The following BCAS2 variants were observed in gnomAD, a reference collection of about 807,000 sequenced individuals.
BCAS2 encodes BCAS2 pre-mRNA processing factor.
Under a neutral mutation model 35.3 loss-of-function variants are expected in BCAS2, and 34 were observed. That is an observed-to-expected ratio of 0.96 (90% confidence interval 0.73 to 1.28). The LOEUF (loss-of-function observed/expected upper bound fraction) is 1.28. Among genes scored for constraint, BCAS2 ranks in the 50% most tolerant of loss-of-function variants. BCAS2 has a pLI of 0.00. For synonymous variants in BCAS2, 75 were observed against 91.6 expected, an observed-to-expected ratio of 0.82 and a Z score of 1.03; for missense variants, 221 against 268.1, an observed-to-expected ratio of 0.82 and a Z score of 1.23.
At chr1:114,570,294 A>AAG in intron 5 of BCAS2, among the ~76,000 whole-genome samples, 1 of 151,738 alleles carries the variant, frequency 6.6e-6, no homozygotes, top group East Asian at 1.9e-4. Context: ...ACACAAGCAC[A>AAG]CACAGATTAC....
intron 4 of BCAS2, among the ~76,000 whole-genome samples, chr1:114,575,359 T>G (rs1654738410): frequency 8.9e-6 from 1 of 112,858 alleles, no homozygotes; most frequent in Non-Finnish European, 2.0e-5. Flanking sequence ...AGCTAATTTT[T>G]TGTATTTTTT....
chr1:114,580,538 A>G (rs925269557), intron 2 of BCAS2, among the ~76,000 whole-genome samples: 3 of 152,176 alleles, frequency 2.0e-5, no homozygotes, highest in African/African-American at 7.2e-5. Flanking sequence ...ATTATTACAC[A>G]TTTATACATA....
intron 4 of BCAS2, among the ~76,000 whole-genome samples, chr1:114,573,711 T>C (rs1490941295): frequency 1.3e-5 from 2 of 152,232 alleles, no homozygotes; most frequent in African/African-American, 4.8e-5. Context: ...TGATGTCGCT[T>C]ACATTTCTTA....
chr1:114,572,064 T>C (rs1352931317), intron 4 of BCAS2, among the ~76,000 whole-genome samples: 2 of 152,224 alleles, frequency 1.3e-5, no homozygotes, highest in African/African-American at 2.4e-5. Context: ...CTTAAGGCAG[T>C]GGATCAATCA....
At chr1:114,571,001 A>G (rs1654627710) in intron 4 of BCAS2, among the ~76,000 whole-genome samples, 1 of 150,516 alleles carries the variant, frequency 6.6e-6, no homozygotes, top group Non-Finnish European at 1.5e-5. Flanking sequence ...CAATCCTCCC[A>G]CCTTGGCCTC....
chr1:114,575,190 T>C (rs1242576908), intron 4 of BCAS2, among the ~76,000 whole-genome samples: 216 of 143,882 alleles, frequency 1.5e-3, no homozygotes, highest in Non-Finnish European at 2.9e-3. Context: ...TCTTTTCTTT[T>C]TTTTTTTTTT....
Position 114,577,395 on chromosome 1 carries a change from G to A in BCAS2, c.187-637C>T, listed in dbSNP as rs148775241. ...TTTATTTATTTTTTTTTTGTGAGAC[G>A]AAGTCTCGCTCTTGTCCCCCAGGCT... On this transcript the variant is annotated intron_variant, in intron 2 of 6. Coordinates refer to ENST00000369541, the MANE Select transcript of BCAS2 (RefSeq NM_005872.3). Among the ~76,000 whole-genome samples, 783 of 150,970 alleles carry A rather than the reference G, an allele frequency of 5.2e-3. 7 individuals carry two copies. The highest frequency in any genetic ancestry group is 0.018 in the African/African-American group (737 of 41,222).
intron 4 of BCAS2, among the ~76,000 whole-genome samples, chr1:114,574,086 T>C (rs1300104175): frequency 1.3e-5 from 2 of 152,234 alleles, no homozygotes; most frequent in East Asian, 1.9e-4. Flanking sequence ...GCAAGGAATC[T>C]GAATTCTAGA....
chr1:114,567,618 A>G lies in BCAS2; in HGVS notation c.*512T>C, dbSNP rs1301553084. ...TCTAGTTCATCTACCTAAAGTGTTCAGAACAATGTTCAGCACATATTAAGC... is the reference window on the plus strand; with the variant it reads ...TCTAGTTCATCTACCTAAAGTGTTCGGAACAATGTTCAGCACATATTAAGC... On this transcript the variant is annotated 3_prime_UTR_variant, in exon 7 of 7. Coordinates refer to ENST00000369541, the MANE Select transcript of BCAS2 (RefSeq NM_005872.3). The G allele has an allele frequency of 1.3e-5, 2 of 152,630 alleles. No individual in the cohort carries two copies. Among genetic ancestry groups the G allele is most frequent in the African/African-American group, 2.4e-5 (1 of 41,586 alleles). 9.5% of individuals were successfully genotyped at this position (152,630 alleles called of 1,614,324 possible).
intron 2 of BCAS2, 128 bp downstream of exon 2, chr1:114,581,171 A>C: frequency 2.2e-6 from 2 of 914,358 alleles, no homozygotes; most frequent in East Asian, 4.8e-5. Context: ...TTTTCAATAG[A>C]CTGACACCTA....
Position 114,581,569 on chromosome 1 carries a change from G to A in BCAS2, c.23C>T (p.Ala8Val), listed in dbSNP as rs759486755. The A allele has an allele frequency of 3.1e-6, 5 of 1,611,888 alleles. No homozygotes were observed. Among genetic ancestry groups the A allele is most frequent in the East Asian group, 4.5e-5 (2 of 44,776 alleles). MAGTGLVAGEVVVDALPY... is the reference protein window; with the variant it reads MAGTGLVVGEVVVDALPY... ...CAGCGCATCCACCACAACCTCTCCA[G>A]CCACCAAACCTGTGCCCGCCATTCT... The change falls in exon 1 of 7, where the codon GCT becomes GTT. Residue 8 changes from alanine to valine, a missense_variant. Transcript: ENST00000369541.
Position 114,568,264 on chromosome 1 carries a change from G to T in BCAS2, c.552-8C>A, listed in dbSNP as rs924939583. 3.7e-6 allele frequency: 6 copies of T among 1,605,186 alleles called. No individual in the cohort carries two copies. Among genetic ancestry groups the T allele is most frequent in the South Asian group, 1.1e-5 (1 of 89,666 alleles). On this transcript the variant is annotated splice_region_variant and splice_polypyrimidine_tract_variant and intron_variant, in intron 6 of 6. Transcript: ENST00000369541. The stretch of plus-strand genomic sequence containing the variant: ...CTGACCAGGGATACCCAACTAGAAT[G>T]GGGGGGAAGAAAAGAAAAAAATTAC...
At chr1:114,581,448 A>G (rs1305536656) in intron 1 of BCAS2, 51 bp downstream of exon 1, 1 of 1,613,878 alleles carries the variant, frequency 6.2e-7, no homozygotes, top group Non-Finnish European at 8.5e-7. Context: ...TGTTTCTTTC[A>G]GTACCGAGCC....
chr1:114,575,163 C>G (rs557990386), intron 4 of BCAS2, among the ~76,000 whole-genome samples: 1 of 146,842 alleles, frequency 6.8e-6, no homozygotes, highest in Admixed American at 7.0e-5. Context: ...TAAACCACCG[C>G]GCCCGGCTTT....
intron 4 of BCAS2, among the ~76,000 whole-genome samples, chr1:114,572,668 C>T: frequency 6.6e-6 from 1 of 152,084 alleles, no homozygotes; most frequent in East Asian, 1.9e-4. Context: ...AGAGCTGAGC[C>T]CTAAACAAGC....
intron 2 of BCAS2, among the ~76,000 whole-genome samples, chr1:114,577,504 T>G (rs560019888): frequency 1.3e-5 from 2 of 152,258 alleles, no homozygotes; most frequent in African/African-American, 4.8e-5. Context: ...GTAGCTGGGA[T>G]GACAGGCATC....
rs71580638 is a variant in BCAS2, at chr1:114,576,222, CCT to C, written c.257+464_257+465del. ...CTACCCAGTCAGTCCTTCAACACTG[CCT>C]CTCTCTCTCTCTCTCTCTCTCTCTA... On this transcript the variant is annotated intron_variant, in intron 3 of 6. Coordinates refer to ENST00000369541, the MANE Select transcript of BCAS2 (RefSeq NM_005872.3). 8.1e-3 allele frequency among the ~76,000 whole-genome samples: 1,087 copies of C among 134,942 alleles called. 5 individuals are homozygous for C. The highest frequency in any genetic ancestry group is 0.018 in the African/African-American group (682 of 36,938). The allele number at this position is 134,942 out of a possible 152,430, so 88.5% of individuals were successfully genotyped here. A position where few individuals can be genotyped will look rare whatever the true frequency, so the allele number is the denominator to read the frequency against.
chr1:114,578,433 A>C (rs1465957646), intron 2 of BCAS2, among the ~76,000 whole-genome samples: 3 of 152,188 alleles, frequency 2.0e-5, no homozygotes, highest in African/African-American at 4.8e-5. Context: ...AATGCAGTAT[A>C]AGTAGTCTTG....
chr1:114,568,345 C>A, intron 6 of BCAS2, 89 bp from the exon 7 acceptor site: 7 of 1,379,946 alleles, frequency 5.1e-6, no homozygotes, highest in South Asian at 1.4e-5. Context: ...CATGTTCACC[C>A]AGAGCTATAA....
Sources: gnomAD v4.1 joint callset for allele counts (sites outside exome capture counted in the v4.1 genomes callset) on GRCh38, gnomAD v4.1.1 for gene constraint, MANE v1.5 for transcripts, NCBI Gene and HGNC (gene_info 2026-07-23, HGNC 2026-07-21) for gene names.